Variants in POU6F2 observed in about 807,000 individuals in gnomAD.
POU6F2 encodes the protein POU domain, class 6, transcription factor 2.
Under a neutral mutation model 71.3 loss-of-function variants are expected in POU6F2, and 31 were observed. The ratio of observed to expected loss-of-function variants is 0.43; its 90% CI spans 0.33 to 0.59. POU6F2 has a LOEUF of 0.59. Ranked by LOEUF, POU6F2 falls within the 20% of genes least tolerant of loss-of-function variation. POU6F2 has a pLI of 0.04. For synonymous variants in POU6F2, 347 were observed against 355.7 expected (o/e 0.98, Z 0.27); for missense variants, 783 against 856.8 (o/e 0.91, Z 1.07).
intron 8 of POU6F2, among the ~76,000 whole-genome samples, chr7:39,456,055 C>T (rs190624409): frequency 6.6e-6 from 1 of 152,242 alleles, no homozygotes; most frequent in East Asian, 1.9e-4. Flanking sequence ...TACTTTCTGG[C>T]CCTGTCTTTA....
At chr7:39,153,712 C>T (rs1792805551) in intron 2 of POU6F2, among the ~76,000 whole-genome samples, 1 of 152,106 alleles carries the variant, frequency 6.6e-6, no homozygotes, top group Non-Finnish European at 1.5e-5. Flanking sequence ...TCAGTTTTTT[C>T]CCTTCATCTC....
chr7:39,170,262 T>G (rs1793193674), intron 2 of POU6F2, among the ~76,000 whole-genome samples: 2 of 152,240 alleles, frequency 1.3e-5, no homozygotes, highest in Admixed American at 1.3e-4. Context: ...CTTTGCAGAT[T>G]GGAGAGTTAG....
In POU6F2 at chr7:39,099,359, C is replaced by T. The variant is rs1019230614; in HGVS notation, c.277+13328C>T. Among the ~76,000 whole-genome samples, 14 of 152,326 alleles carry T rather than the reference C, an allele frequency of 9.2e-5. 1 individual carries two copies. In the East Asian group the frequency reaches 2.7e-3, roughly 29 times the overall value. ...GCCTGCCTTTGGGTGGAGTTCCTCC[C>T]AGGGGCATCCGCTGTCCCTCCCTCC... On this transcript the variant is annotated intron_variant, in intron 2 of 9. Transcript: ENST00000518318.
chr7:38,982,965 G>A (rs566378277), intron 1 of POU6F2, among the ~76,000 whole-genome samples: 2 of 152,076 alleles, frequency 1.3e-5, no homozygotes, highest in South Asian at 2.1e-4. Flanking sequence ...TCTTTGCTAT[G>A]TAAACTGCAT....
chr7:39,417,090 G>A (rs568994783), intron 6 of POU6F2, among the ~76,000 whole-genome samples: 18 of 152,292 alleles, frequency 1.2e-4, no homozygotes, highest in African/African-American at 3.6e-4. Flanking sequence ...TTTTGATTTA[G>A]CGTCCTAGAA....
chr7:39,417,082 T>G (rs914133423), intron 6 of POU6F2, among the ~76,000 whole-genome samples: 5 of 152,222 alleles, frequency 3.3e-5, no homozygotes, highest in African/African-American at 1.2e-4. Context: ...GTGCTGAATT[T>G]TGATTTAGCG....
intron 6 of POU6F2, among the ~76,000 whole-genome samples, chr7:39,422,823 C>A (rs184574788): frequency 6.6e-6 from 1 of 152,104 alleles, no homozygotes; most frequent in Non-Finnish European, 1.5e-5. Flanking sequence ...ACCTGACTTA[C>A]GTAGGCATTT....
chr7:39,389,113 A>T (rs1482176077), intron 5 of POU6F2, among the ~76,000 whole-genome samples: 1 of 152,220 alleles, frequency 6.6e-6, no homozygotes, highest in Non-Finnish European at 1.5e-5. Flanking sequence ...CATAAGAAAC[A>T]CAAGTAGTGT....
intron 8 of POU6F2, 73 bp downstream of exon 8, chr7:39,451,774 G>C (rs1788668708): frequency 1.4e-6 from 2 of 1,456,532 alleles, no homozygotes; most frequent in Admixed American, 4.0e-5. Context: ...CTTCCTTCTT[G>C]TCTCTCTCTC....
At chr7:39,384,271 C>T (rs180704068) in intron 5 of POU6F2, among the ~76,000 whole-genome samples, 1 of 152,176 alleles carries the variant, frequency 6.6e-6, no homozygotes, top group Non-Finnish European at 1.5e-5. Flanking sequence ...ATCAAATGCT[C>T]CTGGGCATGG....
At chr7:39,387,981 A>C (rs576268970) in intron 5 of POU6F2, among the ~76,000 whole-genome samples, 15 of 152,346 alleles carry the variant, frequency 9.8e-5, no homozygotes, top group African/African-American at 3.6e-4. Flanking sequence ...TTTAATTGTA[A>C]AATAAAAATA....
intron 4 of POU6F2, among the ~76,000 whole-genome samples, chr7:39,280,909 C>T (rs554896897): frequency 2.0e-5 from 3 of 152,186 alleles, no homozygotes; most frequent in African/African-American, 7.2e-5. Flanking sequence ...CAGACACTAG[C>T]GAATTTCCAA....
At chr7:39,040,856 A>G (rs542584451) in intron 1 of POU6F2, among the ~76,000 whole-genome samples, 1 of 152,010 alleles carries the variant, frequency 6.6e-6, no homozygotes, top group East Asian at 1.9e-4. Context: ...ACCCTTCCTG[A>G]CATCTTTTCT....
At chr7:39,023,528 G>A (rs548644713) in intron 1 of POU6F2, among the ~76,000 whole-genome samples, 1 of 152,094 alleles carries the variant, frequency 6.6e-6, no homozygotes, top group African/African-American at 2.4e-5. Flanking sequence ...ATCCTATAAT[G>A]TACAGGACAG....
intron 2 of POU6F2, among the ~76,000 whole-genome samples, chr7:39,170,019 C>G (rs549708654): frequency 6.6e-6 from 1 of 152,010 alleles, no homozygotes; most frequent in East Asian, 1.9e-4. Context: ...CCTGTTTCTA[C>G]TAGCCGGGCG....
rs578240537 is a variant in POU6F2, at chr7:39,249,551, A to G, written c.598+41931A>G. 2.6e-5 allele frequency among the ~76,000 whole-genome samples: 4 copies of G among 152,376 alleles called. No homozygotes were observed. The East Asian group carries it at 7.7e-4, about 29-fold the overall frequency. On this transcript the variant is annotated intron_variant, in intron 4 of 9. Transcript: ENST00000518318. ...CATAAAGGACTAATATATATCAGTT[A>G]GGACATTTTGCTTGCAAAGTGCATT...
At chr7:39,271,565 G>T (rs1033539985) in intron 4 of POU6F2, among the ~76,000 whole-genome samples, 3 of 151,436 alleles carry the variant, frequency 2.0e-5, no homozygotes, top group African/African-American at 7.3e-5. Context: ...GAGTGCCCGG[G>T]CCTGGCCGTT....
At chr7:39,451,800 C>A in intron 8 of POU6F2, 99 bp downstream of exon 8, 1 of 1,378,476 alleles carries the variant, frequency 7.3e-7, no homozygotes, top group Non-Finnish European at 1.0e-6. Context: ...CTCTTGCTCT[C>A]TCTTTCTCTC....
chr7:39,129,898 T>C (rs1277399431), intron 2 of POU6F2, among the ~76,000 whole-genome samples: 1 of 151,838 alleles, frequency 6.6e-6, no homozygotes, highest in African/African-American at 2.4e-5. Flanking sequence ...ATCCCGACTC[T>C]ACTAAAAAAT....
Sources: allele counts gnomAD v4.1 joint callset (sites outside exome capture counted in the v4.1 genomes callset), GRCh38; gene constraint gnomAD v4.1.1; transcripts MANE v1.5; gene names NCBI Gene and HGNC (gene_info 2026-07-23, HGNC 2026-07-21).